The following SOX6 variants were observed in gnomAD, a reference collection of about 807,000 sequenced individuals.
SOX6 encodes SRY-box transcription factor 6.
Under a neutral mutation model 97.8 loss-of-function variants are expected in SOX6, and 11 were observed. That is an observed-to-expected ratio of 0.11 (90% CI 0.07 to 0.19). SOX6 has a LOEUF of 0.19. Ranked by LOEUF, SOX6 falls within the 10% of genes least tolerant of loss-of-function variation. SOX6 has a pLI of 1.00. For synonymous variants in SOX6, 360 were observed against 371.4 expected (o/e 0.97, Z 0.35); for missense variants, 810 against 1,039.5 (o/e 0.78, Z 3.04).
In SOX6 at chr11:16,727,249, T is replaced by C. The variant is rs903896735; in HGVS notation, n.353+9090A>G. Among the ~76,000 whole-genome samples the C allele has an allele frequency of 2.7e-5, 4 of 147,348 alleles. No homozygotes were observed. The East Asian group carries it at 7.7e-4, about 29-fold the overall frequency. On this transcript the variant is annotated intron_variant and non_coding_transcript_variant, in intron 2 of 5. Transcript: ENST00000524520. ...TTCCATCTTTTTAATACAGACACAA[T>C]TTAATATATGTACTTCACTTTATAT...
At chr11:16,630,754 A>C (rs1393336260) in intron 3 of SOX6, among the ~76,000 whole-genome samples, 1 of 152,198 alleles carries the variant, frequency 6.6e-6, no homozygotes, top group Non-Finnish European at 1.5e-5. Context: ...TTGTTTTATG[A>C]ATCTGAGTGC....
chr11:16,004,027 T>TAC (rs1008628790), intron 13 of SOX6, among the ~76,000 whole-genome samples: 4 of 151,296 alleles, frequency 2.6e-5, no homozygotes, highest in Admixed American at 6.6e-5. Context: ...CATATATATA[T>TAC]ACACACACAC....
At chr11:16,682,306 C>A (rs576143013) in intron 3 of SOX6, among the ~76,000 whole-genome samples, 2 of 152,308 alleles carry the variant, frequency 1.3e-5, no homozygotes, top group African/African-American at 2.4e-5. Flanking sequence ...GGCGACAGAA[C>A]AAGACTCCGT....
rs200892505 is a variant in SOX6 at position 16,508,510 on chromosome 11, AT to A, written n.610-32123del. ...GGAATACTATTTGGCCATAAAAAAA[AT>A]AAATCATGTCATTTTCTGCAACATG... is the stretch of plus-strand genomic sequence containing the variant. On this transcript the variant is annotated intron_variant and non_coding_transcript_variant, in intron 4 of 5. Coordinates refer to the SOX6 transcript ENST00000524520. Among the ~76,000 whole-genome samples, 287 of 152,268 alleles carry A rather than the reference AT, an allele frequency of 1.9e-3. 6 individuals are homozygous for A. The East Asian group carries it at 0.024, about 13-fold the overall frequency.
At chr11:16,566,607 C>T (rs1847876010) in intron 4 of SOX6, among the ~76,000 whole-genome samples, 2 of 152,220 alleles carry the variant, frequency 1.3e-5, no homozygotes, top group Admixed American at 6.5e-5. Context: ...AGCTCTTTAC[C>T]GTCAAGAAAT....
intron 2 of SOX6, among the ~76,000 whole-genome samples, chr11:16,729,608 C>A (rs552548693): frequency 3.3e-5 from 5 of 152,232 alleles, no homozygotes; most frequent in African/African-American, 1.2e-4. Context: ...ACAACCGGTA[C>A]CAGCCACTGC....
intron 1 of SOX6, among the ~76,000 whole-genome samples, chr11:16,458,808 G>A (rs1393793096): frequency 2.6e-5 from 4 of 151,986 alleles, no homozygotes; most frequent in African/African-American, 9.7e-5. Context: ...AACAAATGAA[G>A]TCATCCCTAC....
rs1438095824 is a variant in SOX6 at position 16,727,485 on chromosome 11, A to C, written n.353+8854T>G. ...CGCTGTGCTGACCAGGCTGGAATGC[A>C]ATGGTGTGATCTCAGCTCACAGAAC... On this transcript the variant is annotated intron_variant and non_coding_transcript_variant, in intron 2 of 5. Coordinates refer to the SOX6 transcript ENST00000524520. Among the ~76,000 whole-genome samples the C allele has an allele frequency of 2.0e-5, 3 of 151,734 alleles. No homozygotes were observed. In the East Asian group the frequency reaches 5.8e-4, roughly 29 times the overall value.
chr11:16,193,417 C>A (rs577686871), intron 4 of SOX6, among the ~76,000 whole-genome samples: 2 of 152,004 alleles, frequency 1.3e-5, no homozygotes, highest in African/African-American at 4.8e-5. Flanking sequence ...GTTAACATAC[C>A]AAGCCAAATA....
At chr11:16,556,991 T>C (rs1374091054) in intron 4 of SOX6, among the ~76,000 whole-genome samples, 2 of 151,776 alleles carry the variant, frequency 1.3e-5, no homozygotes, top group Admixed American at 6.6e-5. Flanking sequence ...TTTTTCAATG[T>C]CAGTTAAATG....
rs551687025 is a variant in SOX6 at position 16,274,378 on chromosome 11, A to G, written c.446-39707T>C. On this transcript the variant is annotated intron_variant, in intron 3 of 15. Coordinates refer to ENST00000683767, the MANE Select transcript of SOX6 (RefSeq NM_001367873.1). ...CATTTGTCCACCCATCCATATGCCC[A>G]CTCACTTATCCTTCCATTTGTATAA... is the stretch of plus-strand genomic sequence containing the variant. Among the ~76,000 whole-genome samples, 3 of 152,048 alleles carry G rather than the reference A, an allele frequency of 2.0e-5. No individual in the cohort carries two copies. In the East Asian group the frequency reaches 5.8e-4, roughly 29 times the overall value.
chr11:16,633,070 A>G (rs1477887568), intron 3 of SOX6, among the ~76,000 whole-genome samples: 1 of 152,130 alleles, frequency 6.6e-6, no homozygotes, highest in Non-Finnish European at 1.5e-5. Context: ...CTGCACAGGA[A>G]AGCTGGGATG....
intron 3 of SOX6, among the ~76,000 whole-genome samples, chr11:16,655,185 T>C (rs1196436782): frequency 1.3e-5 from 2 of 152,162 alleles, no homozygotes; most frequent in African/African-American, 4.8e-5. Flanking sequence ...AGGGATTAGA[T>C]ACAACTTCCT....
intron 6 of SOX6, among the ~76,000 whole-genome samples, chr11:16,137,603 A>G (rs569906493): frequency 6.6e-6 from 1 of 152,308 alleles, no homozygotes; most frequent in Admixed American, 6.5e-5. Flanking sequence ...TATCAATGAG[A>G]TAATAATATT....
intron 3 of SOX6, among the ~76,000 whole-genome samples, chr11:16,691,022 G>A (rs1848009323): frequency 1.3e-5 from 2 of 152,166 alleles, no homozygotes; most frequent in African/African-American, 2.4e-5. Context: ...GGGAAACTAC[G>A]AGTCCTTGCA....
chr11:16,055,873 A>G lies in SOX6; in HGVS notation c.1130T>C (p.Met377Thr), dbSNP rs761562780. The G allele has an allele frequency of 6.2e-7, 1 of 1,613,790 alleles. No homozygotes were observed. The highest frequency in any genetic ancestry group is 8.5e-7 in the Non-Finnish European group (1 of 1,179,810). ...EQLYAAQLASMQVSPGAKMPS... is the reference protein window; with the variant it reads ...EQLYAAQLASTQVSPGAKMPS... ...CATCTTTGCTCCAGGTGACACCTGCATGCTGGCCAGCTGAGCGGCATAGAG... is the reference window on the plus strand; with the variant it reads ...CATCTTTGCTCCAGGTGACACCTGCGTGCTGGCCAGCTGAGCGGCATAGAG... Residue 377 changes from methionine to threonine, a missense_variant, in exon 10 of 16, where the codon ATG (methionine) becomes ACG (threonine). This residue lies in a region of SOX6 where 244 missense variants were observed against 261.0 expected (regional missense o/e 0.93). Transcript: ENST00000683767.
rs200325843 is a variant in SOX6, at chr11:16,049,953, C to T, written c.1252-15G>A. 379 of 1,612,746 alleles carry T rather than the reference C, an allele frequency of 2.4e-4. No homozygotes were observed. Among genetic ancestry groups the T allele is most frequent in the Non-Finnish European group, 3.0e-4 (349 of 1,179,120 alleles). On this transcript the variant is annotated splice_polypyrimidine_tract_variant and intron_variant, in intron 10 of 15. Transcript: ENST00000683767. ...GCTGCTTCATCCTACAAGAGTTTAACGTAAATAATTATTTTTACAAAAGAC... is the reference window on the plus strand; with the variant it reads ...GCTGCTTCATCCTACAAGAGTTTAATGTAAATAATTATTTTTACAAAAGAC...
chr11:16,120,222 C>G (rs1424644372), intron 6 of SOX6, among the ~76,000 whole-genome samples: 1 of 145,564 alleles, frequency 6.9e-6, no homozygotes, highest in Non-Finnish European at 1.5e-5. Flanking sequence ...TCTCTCTTCT[C>G]TCTCTCTCTC....
intron 1 of SOX6, among the ~76,000 whole-genome samples, chr11:16,445,894 T>C (rs892171927): frequency 2.0e-5 from 3 of 152,154 alleles, no homozygotes; most frequent in Non-Finnish European, 4.4e-5. Context: ...TTGGTTTTTC[T>C]CTAATGGTCA....
Sources: gnomAD v4.1 joint callset for allele counts (sites outside exome capture counted in the v4.1 genomes callset) on GRCh38, gnomAD v4.1.1 for gene constraint, gnomAD v4.1.1 regional missense constraint, MANE v1.5 for transcripts, NCBI Gene and HGNC (gene_info 2026-07-23, HGNC 2026-07-21) for gene names.